Variants in LRRC8B observed in about 807,000 individuals in gnomAD.
The protein encoded by LRRC8B is volume-regulated anion channel subunit LRRC8B.
LRRC8B carries 23 observed loss-of-function variants against 58.8 expected under a neutral mutation model. The ratio of observed to expected loss-of-function variants is 0.39; its 90% CI spans 0.28 to 0.55. The LOEUF is 0.55. Among genes scored for constraint, LRRC8B ranks in the 20% least tolerant of loss-of-function variants. The pLI is 0.62. For synonymous variants in LRRC8B, 359 were observed against 374.1 expected, an observed-to-expected ratio of 0.96 and a Z score of 0.47; for missense variants, 694 against 936.0, an observed-to-expected ratio of 0.74 and a Z score of 3.37.
chr1:89,546,612 G>A (rs1411830578), intron 1 of LRRC8B, among the ~76,000 whole-genome samples: 4 of 152,078 alleles, frequency 2.6e-5, no homozygotes, highest in Non-Finnish European at 5.9e-5. Flanking sequence ...GAGAGCCAAA[G>A]AATAGGCAAT....
chr1:89,583,178 G>A lies in LRRC8B; in HGVS notation c.528G>A (p.Gln176=), dbSNP rs370946323. ...TRALSETVAE[Q]SVRPLKLSKS... The stretch of plus-strand genomic sequence containing the variant: ...CCCTTTCAGAAACAGTGGCTGAGCA[G>A]TCAGTGAGGCCTCTGAAACTCTCCA... The change falls in exon 5 of 6, where the codon CAG becomes CAA. Residue 176 remains glutamine (Q), a synonymous_variant. Coordinates refer to ENST00000330947, the MANE Select transcript of LRRC8B (RefSeq NM_001369817.2). The surrounding 1 kb of genome is among the most constrained non-coding windows in gnomAD (Gnocchi z 5.2). The A allele has an allele frequency of 7.8e-5, 126 of 1,614,088 alleles. No individual in the cohort carries two copies. The highest frequency in any genetic ancestry group is 1.0e-4 in the Non-Finnish European group (123 of 1,180,052).
chr1:89,585,491 G>A (rs1215952473), intron 5 of LRRC8B, among the ~76,000 whole-genome samples: 1 of 152,122 alleles, frequency 6.6e-6, no homozygotes. Flanking sequence ...GAGGAAAAAG[G>A]AAAAATTCAC....
chr1:89,529,574 C>T (rs1219839361), intron 1 of LRRC8B, among the ~76,000 whole-genome samples: 1 of 152,124 alleles, frequency 6.6e-6, no homozygotes, highest in Non-Finnish European at 1.5e-5. Context: ...TTAATACTGT[C>T]CTCAGTAAAG....
intron 1 of LRRC8B, among the ~76,000 whole-genome samples, chr1:89,534,512 CAT>C (rs1650378534): frequency 7.3e-6 from 1 of 137,356 alleles, no homozygotes; most frequent in Non-Finnish European, 1.6e-5. Flanking sequence ...TCTTTTGTGA[CAT>C]ACACACACAC....
intron 2 of LRRC8B, 36 bp downstream of exon 2, chr1:89,568,343 C>T (rs1463617885): frequency 6.6e-6 from 1 of 152,060 alleles, no homozygotes; most frequent in African/African-American, 2.4e-5. Flanking sequence ...AAAATTATTA[C>T]ATATGTTGGA....
At chr1:89,545,072 G>A (rs1282257930) in intron 1 of LRRC8B, among the ~76,000 whole-genome samples, 1 of 152,104 alleles carries the variant, frequency 6.6e-6, no homozygotes, top group Non-Finnish European at 1.5e-5. Flanking sequence ...GTGGTTTTGA[G>A]GTCTAAAAAA....
chr1:89,584,578 A>G lies in LRRC8B; in HGVS notation c.1928A>G (p.Asn643Ser), dbSNP rs1192971869. 6.2e-7 allele frequency: 1 copy of G among 1,614,074 alleles called. No homozygotes were observed. The highest frequency in any genetic ancestry group is 1.3e-5 in the African/African-American group (1 of 74,946). ...QNLSCLKLWHNNIAYIPAQIG... is the reference protein window; with the variant it reads ...QNLSCLKLWHSNIAYIPAQIG... ...CTTTCCTGCTTAAAGTTGTGGCACA[A>G]TAACATTGCTTATATTCCTGCACAG... is the stretch of plus-strand genomic sequence containing the variant. Residue 643 changes from asparagine (N) to serine (S), a missense_variant, in exon 5 of 6, where the codon AAT (asparagine) becomes AGT (serine). Around this residue, in one of 5 missense-constraint regions of LRRC8B, gnomAD observed 53 missense variants for 112.3 expected, o/e 0.47. Coordinates refer to ENST00000330947, the MANE Select transcript of LRRC8B (RefSeq NM_001369817.2).
At chr1:89,570,198 T>C (rs1315802474) in intron 3 of LRRC8B, among the ~76,000 whole-genome samples, 2 of 152,190 alleles carry the variant, frequency 1.3e-5, no homozygotes, top group Non-Finnish European at 2.9e-5. Flanking sequence ...GCATGTGCCT[T>C]TATAATAAAA....
rs565358798 is a variant in LRRC8B at position 89,542,218 on chromosome 1, G to A, written c.-241+17196G>A. Among the ~76,000 whole-genome samples the A allele has an allele frequency of 4.6e-5, 7 of 152,292 alleles. No homozygotes were observed. In the South Asian group the frequency reaches 1.2e-3, roughly 27 times the overall value. ...AAGGGACTAGAGAAGAGTGTCATCT[G>A]CTAGGGCAAGCTTTTGAGCTCTCTG... On this transcript the variant is annotated intron_variant, in intron 1 of 5. Coordinates refer to ENST00000330947, the MANE Select transcript of LRRC8B (RefSeq NM_001369817.2).
chr1:89,531,474 G>A (rs965424267), intron 1 of LRRC8B, among the ~76,000 whole-genome samples: 3 of 152,208 alleles, frequency 2.0e-5, no homozygotes, highest in Non-Finnish European at 4.4e-5. Context: ...GGTAAATCAG[G>A]TTATGGTGGC....
chr1:89,583,611 A>G lies in LRRC8B; in HGVS notation c.961A>G (p.Ile321Val). The G allele has an allele frequency of 6.2e-7, 1 of 1,612,056 alleles. No individual in the cohort carries two copies. The highest frequency in any genetic ancestry group is 8.5e-7 in the Non-Finnish European group (1 of 1,180,002). ...IFKVLASFYV[I>V]LVILYGLTSS... ...TAAGGTCCTGGCTTCATTTTATGTC[A>G]TTTTGGTTATACTTTATGGTCTGAC... Residue 321 changes from isoleucine (I) to valine (V), a missense_variant, in exon 5 of 6, where the codon ATT (isoleucine) becomes GTT (valine). Physicochemically the swap from Ile to Val is conservative, Grantham distance 29. This residue lies in a region of LRRC8B where 316 missense variants were observed against 403.8 expected (regional missense o/e 0.78). Coordinates refer to ENST00000330947, the MANE Select transcript of LRRC8B (RefSeq NM_001369817.2). The surrounding 1 kb of genome is among the most constrained non-coding windows in gnomAD (Gnocchi z 5.2).
At chr1:89,533,866 TAAAG>T (rs1650326223) in intron 1 of LRRC8B, among the ~76,000 whole-genome samples, 1 of 152,226 alleles carries the variant, frequency 6.6e-6, no homozygotes, top group African/African-American at 2.4e-5. Flanking sequence ...CATAAAATTT[TAAAG>T]AATATCTCCT....
In LRRC8B at chr1:89,584,276, C is replaced by T; in HGVS notation, c.1626C>T (p.Thr542=). The T allele has an allele frequency of 6.2e-7, 1 of 1,613,828 alleles. No homozygotes were observed. The change falls in exon 5 of 6, where the codon ACC becomes ACT. Residue 542 remains threonine, a synonymous_variant. Transcript: ENST00000330947. ...TTCAGGACTTAAAAAATCTAAGGACCCTGTACTTGAAGAGCAGCCTCTCCC... is the reference window on the plus strand; with the variant it reads ...TTCAGGACTTAAAAAATCTAAGGACTCTGTACTTGAAGAGCAGCCTCTCCC... ...EGFQDLKNLR[T]LYLKSSLSRI... is the part of the protein sequence containing the mutation.
In LRRC8B at chr1:89,596,442, A is replaced by G. The variant is rs1655308266; in HGVS notation, c.*3399A>G. ...GTGCTGTGGTGCACTGCAGTGATGTATTTGCATAACATTGTTTGATAGTGA... is the reference window on the plus strand; with the variant it reads ...GTGCTGTGGTGCACTGCAGTGATGTGTTTGCATAACATTGTTTGATAGTGA... On this transcript the variant is annotated 3_prime_UTR_variant, in exon 6 of 6. Coordinates refer to ENST00000330947, the MANE Select transcript of LRRC8B (RefSeq NM_001369817.2). 1 of 152,046 alleles carries G rather than the reference A, an allele frequency of 6.6e-6. No homozygotes were observed. Among genetic ancestry groups the G allele is most frequent in the Non-Finnish European group, 1.5e-5 (1 of 67,960 alleles). 9.4% of individuals were successfully genotyped at this position (152,046 alleles called of 1,614,324 possible).
chr1:89,586,743 T>G (rs1386544343), intron 5 of LRRC8B, among the ~76,000 whole-genome samples: 3 of 152,230 alleles, frequency 2.0e-5, no homozygotes, highest in African/African-American at 4.8e-5. Flanking sequence ...TTGAGTGGGT[T>G]GTCCCAGAAA....
In LRRC8B at chr1:89,584,060, G is replaced by A; in HGVS notation, c.1410G>A (p.Val470=). ...TGGTCAACCTCAAGGAGCTTCGTGT[G>A]TACCATTCATCTCTGGTCGTAGACC... ...SQLVNLKELR[V]YHSSLVVDHP... Residue 470 remains valine, a synonymous_variant, in exon 5 of 6, where the codon GTG becomes GTA. Transcript: ENST00000330947. 1 of 1,614,116 alleles carries A rather than the reference G, an allele frequency of 6.2e-7. No individual in the cohort carries two copies. Among genetic ancestry groups the A allele is most frequent in the Non-Finnish European group, 8.5e-7 (1 of 1,180,020 alleles).
chr1:89,533,040 C>T (rs1452749874), intron 1 of LRRC8B, among the ~76,000 whole-genome samples: 1 of 152,194 alleles, frequency 6.6e-6, no homozygotes, highest in Non-Finnish European at 1.5e-5. Context: ...TGCCCTTCCT[C>T]TACAGCCCCT....
intron 4 of LRRC8B, among the ~76,000 whole-genome samples, chr1:89,580,311 G>T (rs1054509025): frequency 6.6e-6 from 1 of 152,164 alleles, no homozygotes; most frequent in Non-Finnish European, 1.5e-5. Flanking sequence ...TTTCAGTATT[G>T]TGATCTCACG....
intron 3 of LRRC8B, among the ~76,000 whole-genome samples, chr1:89,576,384 TG>T (rs1249740888): frequency 7.9e-5 from 12 of 152,178 alleles, no homozygotes; most frequent in Non-Finnish European, 1.3e-4. Flanking sequence ...TGGGGAGATT[TG>T]GGGGAAAAAA....
Sources: allele counts gnomAD v4.1 joint callset (sites outside exome capture counted in the v4.1 genomes callset), GRCh38; gene constraint gnomAD v4.1.1; regional missense constraint gnomAD v4.1.1; non-coding constraint Gnocchi (gnomAD v3.1); transcripts MANE v1.5; gene names NCBI Gene and HGNC (gene_info 2026-07-23, HGNC 2026-07-21).